Variants in SNAP47 observed in about 807,000 individuals in gnomAD.
The protein encoded by SNAP47 is synaptosomal-associated protein 47.
SNAP47 carries 20 observed loss-of-function variants against 31.4 expected under a neutral mutation model. The ratio of observed to expected loss-of-function variants is 0.64; its 90% CI spans 0.45 to 0.93. The LOEUF (loss-of-function observed/expected upper bound fraction) is 0.93, where lower values mean the gene tolerates loss of function less well. SNAP47 is among the 40% of genes least tolerant of loss of function. SNAP47 has a pLI of 0.00. For missense variants in SNAP47, 492 were observed against 528.5 expected (o/e 0.93, Z 0.68); for synonymous variants, 194 against 213.4 (o/e 0.91, Z 0.79).
chr1:227,743,039 G>C (rs1367757293), intron 1 of SNAP47, among the ~76,000 whole-genome samples: 1 of 151,206 alleles, frequency 6.6e-6, no homozygotes, highest in Non-Finnish European at 1.5e-5. Context: ...CTGTGACCCT[G>C]GGGGTGTAGC....
chr1:227,730,222 C>T (rs1255505011), upstream of SNAP47, among the ~76,000 whole-genome samples: 1 of 152,204 alleles, frequency 6.6e-6, no homozygotes, highest in African/African-American at 2.4e-5. Context: ...CCCAGGGAGA[C>T]GTGGCCTGTC....
At chr1:227,749,225 T>C (rs1171050540) in intron 2 of SNAP47, among the ~76,000 whole-genome samples, 2 of 151,734 alleles carry the variant, frequency 1.3e-5, no homozygotes, top group Non-Finnish European at 2.9e-5. Flanking sequence ...TTTCCTAAGA[T>C]GGTGTGTGTG....
At chr1:227,733,836 C>T (rs1298467311), upstream of SNAP47, 2 of 1,598,344 alleles carry the variant, frequency 1.3e-6, no homozygotes, top group Non-Finnish European at 8.5e-7. Context: ...CCCCCTCCTG[C>T]CACCCTGGGC....
At chr1:227,735,363 C>T (rs761237228), upstream of SNAP47, 8 of 1,591,744 alleles carry the variant, frequency 5.0e-6, no homozygotes, top group Admixed American at 1.7e-5. Flanking sequence ...AGACGCAGGG[C>T]GCCGCGTTTC....
rs768659292 is a variant in SNAP47, at chr1:227,762,237, G to A, written c.988+2752G>A. ...TTCCGTGCTCACTTTCACCCCCATG[G>A]GCAACCTGGCCTGTCCAGGTAAGTG... On this transcript the variant is annotated intron_variant, in intron 3 of 4. Coordinates refer to ENST00000617596, the MANE Select transcript of SNAP47 (RefSeq NM_053052.4). The surrounding 1 kb of genome is among the most constrained non-coding windows in gnomAD (Gnocchi z 4.2). Among the ~76,000 whole-genome samples the A allele has an allele frequency of 2.0e-5, 3 of 152,218 alleles. No individual in the cohort carries two copies. The highest frequency in any genetic ancestry group is 4.8e-5 in the African/African-American group (2 of 41,456).
rs564556166 is a variant in SNAP47 at position 227,780,904 on chromosome 1, G to A, written c.*231G>A. On this transcript the variant is annotated 3_prime_UTR_variant, in exon 5 of 5. Coordinates refer to ENST00000617596, the MANE Select transcript of SNAP47 (RefSeq NM_053052.4). ...GGCAGGACCCGGCCACATGTTCTGCGGATGCTGCAGAAGTGTGGACCATGG... is the reference window on the plus strand; with the variant it reads ...GGCAGGACCCGGCCACATGTTCTGCAGATGCTGCAGAAGTGTGGACCATGG... 3.6e-5 allele frequency: 21 copies of A among 586,968 alleles called. No homozygotes were observed. The highest frequency in any genetic ancestry group is 2.4e-4 in the South Asian group (12 of 49,982). The allele number at this position is 586,968 out of a possible 1,614,324, so 36.4% of individuals were successfully genotyped here. A position where few individuals can be genotyped will look rare whatever the true frequency, so the allele number is the denominator to read the frequency against.
Position 227,757,224 on chromosome 1 carries a change from C to T in SNAP47, c.498-1771C>T, listed in dbSNP as rs114360542. On this transcript the variant is annotated intron_variant, in intron 2 of 4. Coordinates refer to ENST00000617596, the MANE Select transcript of SNAP47 (RefSeq NM_053052.4). ...GAACCAGAAGTCTCCACGTTCATCCCTAGAGCTTCACTATAGGGCTAGGAG... is the reference window on the plus strand; with the variant it reads ...GAACCAGAAGTCTCCACGTTCATCCTTAGAGCTTCACTATAGGGCTAGGAG... Among the ~76,000 whole-genome samples, 616 of 152,302 alleles carry T rather than the reference C, an allele frequency of 4.0e-3. 7 individuals are homozygous for T. The highest frequency in any genetic ancestry group is 0.014 in the African/African-American group (585 of 41,562).
chr1:227,755,976 G>T (rs760142747), intron 2 of SNAP47, among the ~76,000 whole-genome samples: 8 of 152,180 alleles, frequency 5.3e-5, no homozygotes, highest in Non-Finnish European at 1.0e-4. Context: ...CCTGTAACAT[G>T]TAAGCATCTG....
In SNAP47 at chr1:227,780,771, G is replaced by A. The variant is rs1664417491; in HGVS notation, c.*98G>A. On this transcript the variant is annotated 3_prime_UTR_variant, in exon 5 of 5. Coordinates refer to ENST00000617596, the MANE Select transcript of SNAP47 (RefSeq NM_053052.4). ...GGGCTGCAGAGGCCTGTGGCCCTCC[G>A]GAGTGGTCTTCCTCTGGATGGGGCT... 27 of 1,520,774 alleles carry A rather than the reference G, an allele frequency of 1.8e-5. No homozygotes were observed. Among genetic ancestry groups the A allele is most frequent in the East Asian group, 4.6e-5 (2 of 43,402 alleles). The allele number at this position is 1,520,774 out of a possible 1,614,324, so 94.2% of individuals were successfully genotyped here.
chr1:227,735,122 G>A (rs866628747), upstream of SNAP47: 1 of 1,578,934 alleles, frequency 6.3e-7, no homozygotes, highest in Non-Finnish European at 8.6e-7. Flanking sequence ...GGGCAGGTTG[G>A]GCAGCAAGAA....
At chr1:227,755,356 C>G (rs1377942625) in intron 2 of SNAP47, among the ~76,000 whole-genome samples, 1 of 151,956 alleles carries the variant, frequency 6.6e-6, no homozygotes, top group Non-Finnish European at 1.5e-5. Context: ...GCATGCATTA[C>G]CATGTCTGGC....
chr1:227,734,117 T>C (rs918730296), upstream of SNAP47: 6 of 1,473,552 alleles, frequency 4.1e-6, no homozygotes, highest in Non-Finnish European at 5.5e-6. Flanking sequence ...CTGAGACCAA[T>C]CGGCTCCAGT....
rs942680784 is a variant in SNAP47, at chr1:227,741,424, T to C, written c.-46+5925T>C. ...GTGACTCTCAGCAAGGCCCCTTGGC[T>C]CATGGGCCAGGTCCAGCTACCACAT... On this transcript the variant is annotated intron_variant, in intron 1 of 4. Transcript: ENST00000617596. This position sits in a 1 kb window ranked among gnomAD's most constrained non-coding sequence, Gnocchi z 4.2. Among the ~76,000 whole-genome samples the C allele has an allele frequency of 6.6e-6, 1 of 152,130 alleles. No individual in the cohort carries two copies. The highest frequency in any genetic ancestry group is 1.5e-5 in the Non-Finnish European group (1 of 68,008).
chr1:227,776,006 C>G, intron 4 of SNAP47: 1 of 1,233,638 alleles, frequency 8.1e-7, no homozygotes, highest in Non-Finnish European at 1.0e-6. Flanking sequence ...GGCTTTGGTG[C>G]TATCCTGGGG....
rs1353256013 is a variant in SNAP47 at position 227,780,634 on chromosome 1, C to T, written c.1221C>T (p.Thr407=). The T allele has an allele frequency of 6.2e-7, 1 of 1,614,076 alleles. No homozygotes were observed. Among genetic ancestry groups the T allele is most frequent in the East Asian group, 2.2e-5 (1 of 44,892 alleles). ...CAGCTGTGGACAGGGCAACCTTGAC[C>T]ATCGACAAGCACAACAGGCGGATGA... ...VAAAVDRATL[T]IDKHNRRMKR... is the part of the protein sequence containing the mutation. The change falls in exon 5 of 5, where the codon ACC becomes ACT. Residue 407 remains threonine, a synonymous_variant. Coordinates refer to ENST00000617596, the MANE Select transcript of SNAP47 (RefSeq NM_053052.4).
At chr1:227,779,162 A>G (rs541302259) in intron 4 of SNAP47, among the ~76,000 whole-genome samples, 1 of 152,248 alleles carries the variant, frequency 6.6e-6, no homozygotes, top group South Asian at 2.1e-4. Flanking sequence ...TGTGAGCCAC[A>G]CCGTTCAGTG....
rs573431790 is a variant in SNAP47, at chr1:227,741,334, C to T, written c.-46+5835C>T. Among the ~76,000 whole-genome samples, 8 of 152,144 alleles carry T rather than the reference C, an allele frequency of 5.3e-5. No homozygotes were observed. In the South Asian group the frequency reaches 6.2e-4, roughly 12 times the overall value. ...GGAGGCTATGGCCAAGGAGAGTGGA[C>T]GCAGGCACTCATGGAAGTGGGGCTG... On this transcript the variant is annotated intron_variant, in intron 1 of 4. Transcript: ENST00000617596. The surrounding 1 kb of genome is among the most constrained non-coding windows in gnomAD (Gnocchi z 4.2).
At chr1:227,737,851 T>G (rs1661326583) in intron 1 of SNAP47, among the ~76,000 whole-genome samples, 1 of 152,130 alleles carries the variant, frequency 6.6e-6, no homozygotes, top group Non-Finnish European at 1.5e-5. Context: ...GGTCCCTTCC[T>G]AGTCAGCCCT....
At chr1:227,751,431 T>C (rs983476692) in intron 2 of SNAP47, among the ~76,000 whole-genome samples, 1 of 152,226 alleles carries the variant, frequency 6.6e-6, no homozygotes, top group Non-Finnish European at 1.5e-5. Flanking sequence ...GCCCTGTGCC[T>C]GCCTGTATTC....
Sources: allele counts gnomAD v4.1 joint callset (sites outside exome capture counted in the v4.1 genomes callset), GRCh38; gene constraint gnomAD v4.1.1; non-coding constraint Gnocchi (gnomAD v3.1); transcripts MANE v1.5; gene names NCBI Gene and HGNC (gene_info 2026-07-23, HGNC 2026-07-21).